ALKBH5: variants seen among roughly 807,000 people sequenced by gnomAD.
The protein encoded by ALKBH5 is alkB homolog 5, RNA demethylase.
A neutral mutation model predicts 32.1 loss-of-function variants in ALKBH5; 2 were observed. The observed-to-expected ratio is 0.06, with a 90% CI of 0.03 to 0.20. The LOEUF is 0.20. ALKBH5 is among the 10% of genes least tolerant of loss of function. ALKBH5 has a pLI of 1.00. For synonymous variants in ALKBH5, 300 were observed against 231.7 expected, an observed-to-expected ratio of 1.29 and a Z score of -2.68; for missense variants, 352 against 559.5, an observed-to-expected ratio of 0.63 and a Z score of 3.74.
rs369536571 is a variant in ALKBH5 at position 18,184,855 on chromosome 17, C to T, written c.612C>T (p.His204=). ...AGCCCGGCGGCTGCATCGTGTCTCA[C>T]GTGGACCCCATCCACATCTTCGAGC... ...DYQPGGCIVS[H]VDPIHIFERP... is the part of the protein sequence containing the mutation. Residue 204 remains histidine, a synonymous_variant, in exon 1 of 4, where the codon CAC becomes CAT. Transcript: ENST00000399138. 7.4e-6 allele frequency: 12 copies of T among 1,614,088 alleles called. No homozygotes were observed. In the African/African-American group the frequency reaches 1.2e-4, roughly 16 times the overall value.
rs749191841 is a variant in ALKBH5, at chr17:18,184,591, G to A, written c.348G>A (p.Lys116=). The A allele has an allele frequency of 9.3e-6, 15 of 1,613,230 alleles. No individual in the cohort carries two copies. In the Admixed American group the frequency reaches 1.0e-4, roughly 11 times the overall value. Reference sequence around the variant, plus strand: ...ACGAGGTGGTGTCCCGCGCTGAGAAGGGCCTGTACAACGAGCACACGGTGG... The same window carrying A: ...ACGAGGTGGTGTCCCGCGCTGAGAAAGGCCTGTACAACGAGCACACGGTGG... ...RIDEVVSRAE[K]GLYNEHTVDR... is the part of the protein sequence containing the mutation. The change falls in exon 1 of 4, where the codon AAG becomes AAA. Residue 116 remains lysine (K), a synonymous_variant. Coordinates refer to ENST00000399138, the MANE Select transcript of ALKBH5 (RefSeq NM_017758.4).
At chr17:18,201,841 T>C (rs2047242624) in intron 2 of ALKBH5, among the ~76,000 whole-genome samples, 2 of 73,510 alleles carry the variant, frequency 2.7e-5, no homozygotes, top group Admixed American at 2.4e-4. Flanking sequence ...AGATAGATGA[T>C]AGATAGATTG....
intron 2 of ALKBH5, among the ~76,000 whole-genome samples, chr17:18,201,710 A>G (rs948969170): frequency 3.3e-5 from 5 of 151,568 alleles, no homozygotes; most frequent in Admixed American, 1.3e-4. Context: ...GCACCACTGC[A>G]CTCCAGCTTG....
intron 2 of ALKBH5, among the ~76,000 whole-genome samples, chr17:18,201,807 A>AG (rs1265485179): frequency 7.4e-5 from 5 of 67,864 alleles, no homozygotes; most frequent in Admixed American, 3.9e-4. Flanking sequence ...ATAGATAGAT[A>AG]GATAGATAGA....
Position 18,208,150 on chromosome 17 carries a change from G to A in ALKBH5, c.1008-69G>A. The stretch of plus-strand genomic sequence containing the variant: ...GTGACCCATCCCAAGGATGAGACGA[G>A]GTACAGCGGTAAAGCCAGGCGCCTC... On this transcript the variant is annotated intron_variant, in intron 3 of 3. Transcript: ENST00000399138. 8 of 1,503,304 alleles carry A rather than the reference G, an allele frequency of 5.3e-6. No homozygotes were observed. In the East Asian group the frequency reaches 1.1e-4, roughly 21 times the overall value. The allele number at this position is 1,503,304 out of a possible 1,614,324, so 93.1% of individuals were successfully genotyped here. A position where few individuals can be genotyped will look rare whatever the true frequency, so the allele number is the denominator to read the frequency against.
At chr17:18,206,512 G>A in intron 2 of ALKBH5, 1 of 251,698 alleles carries the variant, frequency 4.0e-6, no homozygotes, top group Non-Finnish European at 7.6e-6. Context: ...GTGAGGTGAG[G>A]CTGCTTGGTT....
At position 18,184,122 on chromosome 17, in the gene ALKBH5, A is replaced by T; in HGVS notation, c.-122A>T. 3.4e-6 allele frequency: 3 copies of T among 894,964 alleles called. No individual in the cohort carries two copies. Among genetic ancestry groups the T allele is most frequent in the Non-Finnish European group, 5.1e-6 (3 of 586,674 alleles). 55.4% of individuals were successfully genotyped at this position (894,964 alleles called of 1,614,324 possible). A position where few individuals can be genotyped will look rare whatever the true frequency, so the allele number is the denominator to read the frequency against. On this transcript the variant is annotated 5_prime_UTR_variant, in exon 1 of 4. Coordinates refer to ENST00000399138, the MANE Select transcript of ALKBH5 (RefSeq NM_017758.4). Reference sequence around the variant, plus strand: ...ACGCCCCCCGCCGGGTCCCCCACTCACGCATGGGGGTTCGGCGCTAAGGAC... The same window carrying T: ...ACGCCCCCCGCCGGGTCCCCCACTCTCGCATGGGGGTTCGGCGCTAAGGAC...
At chr17:18,196,613 C>G (rs2047206033) in intron 2 of ALKBH5, among the ~76,000 whole-genome samples, 2 of 152,194 alleles carry the variant, frequency 1.3e-5, no homozygotes, top group Admixed American at 1.3e-4. Flanking sequence ...AAGTGTATGC[C>G]ATTTTTACTA....
At chr17:18,202,342 T>G (rs11871491) in intron 2 of ALKBH5, among the ~76,000 whole-genome samples, 1 of 150,818 alleles carries the variant, frequency 6.6e-6, no homozygotes, top group Non-Finnish European at 1.5e-5. Flanking sequence ...AAAACAGAAG[T>G]CTGATGTTGG....
chr17:18,188,228 G>C (rs1232115626), intron 1 of ALKBH5, among the ~76,000 whole-genome samples: 1 of 152,242 alleles, frequency 6.6e-6, no homozygotes, highest in Non-Finnish European at 1.5e-5. Context: ...AACAGACTCT[G>C]ATTGGACTAA....
At chr17:18,191,452 G>A (rs890264235) in intron 1 of ALKBH5, among the ~76,000 whole-genome samples, 1 of 152,192 alleles carries the variant, frequency 6.6e-6, no homozygotes, top group Non-Finnish European at 1.5e-5. Flanking sequence ...CTTATTGTTT[G>A]TTCTAGAGCC....
Position 18,183,888 on chromosome 17 carries a change from G to A in ALKBH5, c.-356G>A. 1 of 426,006 alleles carries A rather than the reference G, an allele frequency of 2.3e-6. No homozygotes were observed. The highest frequency in any genetic ancestry group is 6.0e-4 in the Middle Eastern group (1 of 1,660). The allele number at this position is 426,006 out of a possible 1,614,324, so 26.4% of individuals were successfully genotyped here. A position where few individuals can be genotyped will look rare whatever the true frequency, so the allele number is the denominator to read the frequency against. On this transcript the variant is annotated 5_prime_UTR_variant, in exon 1 of 4. Transcript: ENST00000399138. The stretch of plus-strand genomic sequence containing the variant: ...GGGCTGGCTGCCCGTGACGTCGTGC[G>A]GAGAGCTTTAAAGTGCGGGCCGGGC...
At chr17:18,198,721 A>G (rs1457232729) in intron 2 of ALKBH5, among the ~76,000 whole-genome samples, 1 of 152,166 alleles carries the variant, frequency 6.6e-6, no homozygotes, top group African/African-American at 2.4e-5. Context: ...GGCCTCACGG[A>G]AGGAAATGGG....
At chr17:18,189,870 G>A (rs2047163336) in intron 1 of ALKBH5, among the ~76,000 whole-genome samples, 1 of 152,314 alleles carries the variant, frequency 6.6e-6, no homozygotes, top group Non-Finnish European at 1.5e-5. Context: ...ATTGGGACTT[G>A]GCAGGTTGAC....
chr17:18,206,515 G>A, intron 2 of ALKBH5: 1 of 258,272 alleles, frequency 3.9e-6, no homozygotes, highest in Non-Finnish European at 7.4e-6. Flanking sequence ...AGGTGAGGCT[G>A]CTTGGTTCAG....
intron 1 of ALKBH5, 69 bp downstream of exon 1, chr17:18,185,082 C>T: frequency 6.4e-7 from 1 of 1,555,754 alleles, no homozygotes; most frequent in Non-Finnish European, 8.7e-7. Flanking sequence ...GCCCAGAAAG[C>T]AGCAGCCCGT....
intron 2 of ALKBH5, among the ~76,000 whole-genome samples, chr17:18,199,352 A>C (rs887100911): frequency 6.6e-6 from 1 of 152,242 alleles, no homozygotes; most frequent in Non-Finnish European, 1.5e-5. Flanking sequence ...GTTCTAAATT[A>C]CTAGTTAGAT....
intron 2 of ALKBH5, among the ~76,000 whole-genome samples, chr17:18,201,849 T>TGA (rs2047243006): frequency 1.5e-4 from 11 of 74,156 alleles, no homozygotes; most frequent in Admixed American, 1.3e-3. Context: ...GATAGATAGA[T>TGA]TGATTGATTG....
Position 18,184,192 on chromosome 17 carries a change from G to GCCCGGCTGC in ALKBH5, c.-47_-39dup. 1 of 1,433,106 alleles carries GCCCGGCTGC rather than the reference G, an allele frequency of 7.0e-7. No homozygotes were observed. The highest frequency in any genetic ancestry group is 1.4e-5 in the South Asian group (1 of 73,008). 88.8% of individuals were successfully genotyped at this position (1,433,106 alleles called of 1,614,324 possible). On this transcript the variant is annotated 5_prime_UTR_variant, in exon 1 of 4. Transcript: ENST00000399138. Reference sequence around the variant, plus strand: ...CCGGGGCGCGTCCCCTTAGAGCCATGCCCGGCTGCCCCGCCCGCCCCGGAG... The same window carrying GCCCGGCTGC: ...CCGGGGCGCGTCCCCTTAGAGCCATGCCCGGCTGCCCCGGCTGCCCCGCCCGCCCCGGAG...
Sources: allele counts gnomAD v4.1 joint callset (sites outside exome capture counted in the v4.1 genomes callset), GRCh38; gene constraint gnomAD v4.1.1; transcripts MANE v1.5; gene names NCBI Gene and HGNC (gene_info 2026-07-23, HGNC 2026-07-21).